Variants in KCNIP4 observed in about 807,000 individuals in gnomAD.
KCNIP4 encodes the protein potassium voltage-gated channel interacting protein 4.
A neutral mutation model predicts 34.0 loss-of-function variants in KCNIP4; 12 were observed. The observed-to-expected ratio is 0.35, with a 90% CI of 0.23 to 0.57. The LOEUF is 0.57. Ranked by LOEUF, KCNIP4 falls within the 20% of genes least tolerant of loss-of-function variation. The pLI, the probability that KCNIP4 is intolerant of heterozygous loss-of-function variation, is 0.83. For synonymous variants in KCNIP4, 124 were observed against 102.2 expected (o/e 1.21, Z -1.29); for missense variants, 238 against 311.7 (o/e 0.76, Z 1.78).
At position 21,712,733 on chromosome 4, in the gene KCNIP4, C is replaced by T. The variant is rs544282320; in HGVS notation, c.61+235838G>A. Among the ~76,000 whole-genome samples, 8 of 152,094 alleles carry T rather than the reference C, an allele frequency of 5.3e-5. No homozygotes were observed. In the East Asian group the frequency reaches 1.4e-3, roughly 26 times the overall value. On this transcript the variant is annotated intron_variant, in intron 1 of 8. Transcript: ENST00000382152. ...ATAGCATAGATCAATGCTATGGACACGTGCTGTTGTGTGAGATTTAAAAGT... is the reference window on the plus strand; with the variant it reads ...ATAGCATAGATCAATGCTATGGACATGTGCTGTTGTGTGAGATTTAAAAGT...
intron 2 of KCNIP4, among the ~76,000 whole-genome samples, chr4:20,851,294 T>C (rs1000446923): frequency 6.6e-6 from 1 of 152,212 alleles, no homozygotes; most frequent in Admixed American, 6.5e-5. Flanking sequence ...TTTGGTTTTC[T>C]GTTCCTGCAT....
chr4:21,487,247 A>C (rs1451767627), intron 1 of KCNIP4, among the ~76,000 whole-genome samples: 1 of 151,780 alleles, frequency 6.6e-6, no homozygotes, highest in Non-Finnish European at 1.5e-5. Flanking sequence ...TTGTTTTTTG[A>C]GACCTCATTC....
chr4:21,185,031 C>A (rs114214069), intron 1 of KCNIP4, among the ~76,000 whole-genome samples: 3 of 152,244 alleles, frequency 2.0e-5, no homozygotes, highest in Admixed American at 6.5e-5. Flanking sequence ...TTTTATTATA[C>A]AAAAGATTGC....
At position 21,415,094 on chromosome 4, in the gene KCNIP4, TCC is replaced by T. The variant is rs549099668; in HGVS notation, c.62-532387_62-532386del. ...TTTTGTACCCATTAACCATCCCCAT[TCC>T]CCCCCAGTCCCCACTACCCTTCCCA... On this transcript the variant is annotated intron_variant, in intron 1 of 8. Transcript: ENST00000382152. 7.1e-4 allele frequency among the ~76,000 whole-genome samples: 108 copies of T among 151,900 alleles called. 2 individuals are homozygous for T. The South Asian group carries it at 0.015, about 21-fold the overall frequency.
At chr4:21,448,233 G>A (rs1022972761) in intron 1 of KCNIP4, among the ~76,000 whole-genome samples, 2 of 152,106 alleles carry the variant, frequency 1.3e-5, no homozygotes, top group African/African-American at 4.8e-5. Context: ...AGGGATGAGA[G>A]GAAGTGAGGA....
intron 1 of KCNIP4, among the ~76,000 whole-genome samples, chr4:21,636,891 C>T (rs1746216099): frequency 6.6e-6 from 1 of 152,168 alleles, no homozygotes; most frequent in African/African-American, 2.4e-5. Context: ...TTCATGGCAT[C>T]ATTTTACTAA....
At chr4:21,200,298 G>A (rs1222684386) in intron 1 of KCNIP4, among the ~76,000 whole-genome samples, 1 of 142,760 alleles carries the variant, frequency 7.0e-6, no homozygotes, top group Admixed American at 7.0e-5. Flanking sequence ...GTGTGTGTGT[G>A]TGTATATATA....
intron 1 of KCNIP4, among the ~76,000 whole-genome samples, chr4:21,064,323 T>C (rs1744166151): frequency 6.6e-6 from 1 of 152,082 alleles, no homozygotes; most frequent in African/African-American, 2.4e-5. Context: ...AACATTCTGT[T>C]GAAGTGTTCA....
chr4:21,511,402 G>T (rs1451240114), intron 1 of KCNIP4, among the ~76,000 whole-genome samples: 1 of 53,968 alleles, frequency 1.9e-5, no homozygotes, highest in Non-Finnish European at 4.6e-5. Flanking sequence ...CTCATTCTTG[G>T]GTTTTACTTT....
intron 3 of KCNIP4, among the ~76,000 whole-genome samples, chr4:20,776,616 A>T (rs1756393109): frequency 6.6e-6 from 1 of 152,172 alleles, no homozygotes; most frequent in Admixed American, 6.6e-5. Flanking sequence ...CCAACAACTA[A>T]TATCTCCTTC....
At chr4:21,312,375 T>A (rs758124232) in intron 1 of KCNIP4, among the ~76,000 whole-genome samples, 2 of 152,162 alleles carry the variant, frequency 1.3e-5, no homozygotes, top group Non-Finnish European at 2.9e-5. Context: ...AGGTCTTAGG[T>A]AGAGACCCTG....
In KCNIP4 at chr4:20,735,619, T is replaced by A. The variant is rs989546485; in HGVS notation, c.430-884A>T. ...ATCTTGGCTCACTGCAACTTCCACCTCCCACCTCCCAGGTTCAAGCCATTC... is the reference window on the plus strand; with the variant it reads ...ATCTTGGCTCACTGCAACTTCCACCACCCACCTCCCAGGTTCAAGCCATTC... On this transcript the variant is annotated intron_variant, in intron 5 of 8. Coordinates refer to ENST00000382152, the MANE Select transcript of KCNIP4 (RefSeq NM_025221.6). 3.6e-5 allele frequency among the ~76,000 whole-genome samples: 5 copies of A among 140,596 alleles called. No homozygotes were observed. In the South Asian group the frequency reaches 1.3e-3, roughly 35 times the overall value. 92.2% of individuals were successfully genotyped at this position (140,596 alleles called of 152,430 possible).
chr4:21,512,200 C>CGAAGGAAG (rs1411979812), intron 1 of KCNIP4, among the ~76,000 whole-genome samples: 10 of 36,088 alleles, frequency 2.8e-4, no homozygotes, highest in Admixed American at 5.5e-4. Flanking sequence ...AAGGAACGAA[C>CGAAGGAAG]GAAGGAAGGA....
rs5856654 is a variant in KCNIP4 at position 21,643,870 on chromosome 4, T to TGATAGATAGATAGATA, written c.61+304685_61+304700dup. 2.6e-3 allele frequency among the ~76,000 whole-genome samples: 284 copies of TGATAGATAGATAGATA among 107,790 alleles called. 2 individuals are homozygous for TGATAGATAGATAGATA. Among genetic ancestry groups the TGATAGATAGATAGATA allele is most frequent in the East Asian group, 1.0e-2 (47 of 4,712 alleles). 70.7% of individuals were successfully genotyped at this position (107,790 alleles called of 152,430 possible). On this transcript the variant is annotated intron_variant, in intron 1 of 8. Coordinates refer to ENST00000382152, the MANE Select transcript of KCNIP4 (RefSeq NM_025221.6). ...GATGATAGATAGGTGATGATGATGA[T>TGATAGATAGATAGATA]GATAGATAGATAGATAGATAGATAG... is the stretch of plus-strand genomic sequence containing the variant.
intron 1 of KCNIP4, among the ~76,000 whole-genome samples, chr4:20,902,133 A>C (rs547820454): frequency 3.9e-5 from 6 of 152,184 alleles, no homozygotes; most frequent in Non-Finnish European, 8.8e-5. Context: ...TAAGAGGCCA[A>C]AATTATTAGA....
chr4:21,581,062 A>G (rs6848885), intron 1 of KCNIP4, among the ~76,000 whole-genome samples: 9,915 of 152,112 alleles, frequency 0.065, 474 homozygotes, highest in African/African-American at 0.13. Flanking sequence ...ACTCCACTTG[A>G]TGACATTAAG....
rs1332993798 is a variant in KCNIP4, at chr4:21,493,249, C to T, written c.61+455322G>A. 2.6e-5 allele frequency among the ~76,000 whole-genome samples: 4 copies of T among 152,100 alleles called. No individual in the cohort carries two copies. The East Asian group carries it at 7.7e-4, about 29-fold the overall frequency. ...GTCAATTCAATTTACCCCACAGCCT[C>T]TAAACACTGGGGCTTCTTTGCCTGG... On this transcript the variant is annotated intron_variant, in intron 1 of 8. Coordinates refer to ENST00000382152, the MANE Select transcript of KCNIP4 (RefSeq NM_025221.6).
chr4:21,719,102 A>G (rs1350816392), intron 1 of KCNIP4: 4 of 152,248 alleles, frequency 2.6e-5, no homozygotes, highest in Non-Finnish European at 5.9e-5. Flanking sequence ...ATTTTCTGCA[A>G]TAAAACCCCT....
At chr4:20,807,549 T>A (rs893399991) in intron 3 of KCNIP4, among the ~76,000 whole-genome samples, 3 of 152,160 alleles carry the variant, frequency 2.0e-5, no homozygotes. Context: ...TCTAAAATAC[T>A]TAGTATCTGG....
Sources: allele counts gnomAD v4.1 joint callset (sites outside exome capture counted in the v4.1 genomes callset), GRCh38; gene constraint gnomAD v4.1.1; transcripts MANE v1.5; gene names NCBI Gene and HGNC (gene_info 2026-07-23, HGNC 2026-07-21).